Variants in PRR14L observed in about 807,000 individuals in gnomAD.
PRR14L encodes the protein protein PRR14L.
In PRR14L, 80 loss-of-function variants were observed where a neutral mutation model predicts 155.0. The ratio of observed to expected loss-of-function variants is 0.52; its 90% CI spans 0.43 to 0.62. The LOEUF is 0.62. Among genes scored for constraint, PRR14L ranks in the 20% least tolerant of loss-of-function variants. The pLI is 0.00. For synonymous variants in PRR14L, 883 were observed against 916.0 expected (o/e 0.96, Z 0.65); for missense variants, 2,469 against 2,548.0 (o/e 0.97, Z 0.67).
intron 3 of PRR14L, among the ~76,000 whole-genome samples, chr22:31,719,954 T>C (rs1601507953): frequency 2.0e-5 from 3 of 152,094 alleles, no homozygotes; most frequent in African/African-American, 2.4e-5. Flanking sequence ...CAGGCTGACC[T>C]TGAACACCTG....
At chr22:31,723,958 A>T (rs1257706445) in intron 3 of PRR14L, among the ~76,000 whole-genome samples, 1 of 152,230 alleles carries the variant, frequency 6.6e-6, no homozygotes, top group African/African-American at 2.4e-5. Flanking sequence ...GCAAAGCTTC[A>T]TCTGCATTTA....
rs147680924 is a variant in PRR14L, at chr22:31,691,496, T to C, written c.6108-3269A>G. Among the ~76,000 whole-genome samples, 45 of 152,248 alleles carry C rather than the reference T, an allele frequency of 3.0e-4. No homozygotes were observed. In the South Asian group the frequency reaches 8.3e-3, roughly 28 times the overall value. ...TCTACCTGCCAACGAGCTGGGATTA[T>C]AGGAATGAACCACCACAACCAGCCT... On this transcript the variant is annotated intron_variant, in intron 7 of 8. Coordinates refer to ENST00000327423, the MANE Select transcript of PRR14L (RefSeq NM_173566.3).
chr22:31,716,002 T>C lies in PRR14L; in HGVS notation c.1837A>G (p.Ile613Val). Residue 613 changes from isoleucine (I) to valine (V), a missense_variant, in exon 4 of 9, where the codon ATA becomes GTA. By Grantham distance (29) the Ile-to-Val change is conservative. Transcript: ENST00000327423. ...GGAATATCATCATGTGAGGTCTGTA[T>C]AACTTTTTCTGACTCAGGTCTGTAA... is the stretch of plus-strand genomic sequence containing the variant. Reference protein sequence around the residue: ...FDYRPESEKVIQTSHDDIPLL... With the variant: ...FDYRPESEKVVQTSHDDIPLL... 3 of 1,551,012 alleles carry C rather than the reference T, an allele frequency of 1.9e-6. No individual in the cohort carries two copies. The highest frequency in any genetic ancestry group is 2.4e-5 in the East Asian group (1 of 40,920).
intron 1 of PRR14L, among the ~76,000 whole-genome samples, chr22:31,746,242 A>G (rs1052500202): frequency 2.0e-5 from 3 of 152,172 alleles, no homozygotes; most frequent in Non-Finnish European, 4.4e-5. Flanking sequence ...CAGTGAGTAT[A>G]TATTACATAT....
rs148013653 is a variant in PRR14L at position 31,699,680 on chromosome 22, A to G, written c.6107+1976T>C. Among the ~76,000 whole-genome samples the G allele has an allele frequency of 2.6e-5, 4 of 152,332 alleles. No individual in the cohort carries two copies. In the East Asian group the frequency reaches 7.7e-4, roughly 29 times the overall value. ...ATATACCTCACAATTTGTACTCCAT[A>G]ATTTATTTCTCAGTGTTTTATATCA... On this transcript the variant is annotated intron_variant, in intron 7 of 8. Transcript: ENST00000327423.
intron 3 of PRR14L, among the ~76,000 whole-genome samples, chr22:31,722,260 T>C (rs1862610385): frequency 6.6e-6 from 1 of 151,308 alleles, no homozygotes. Flanking sequence ...TAAAACTCCG[T>C]CTCTACTAAA....
At chr22:31,711,853 T>TG (rs1267789036) in intron 4 of PRR14L, among the ~76,000 whole-genome samples, 11 of 142,974 alleles carry the variant, frequency 7.7e-5, no homozygotes, top group African/African-American at 2.6e-4. Flanking sequence ...GAAAAAAGAA[T>TG]GGTGTGAAAT....
At chr22:31,731,026 G>A (rs749048770) in intron 2 of PRR14L, among the ~76,000 whole-genome samples, 1 of 152,126 alleles carries the variant, frequency 6.6e-6, no homozygotes, top group African/African-American at 2.4e-5. Flanking sequence ...GTTGGCTGCT[G>A]TGTCCTTCTG....
At chr22:31,702,709 T>C (rs981901493) in intron 6 of PRR14L, among the ~76,000 whole-genome samples, 2 of 152,010 alleles carry the variant, frequency 1.3e-5, no homozygotes, top group Non-Finnish European at 2.9e-5. Flanking sequence ...AGAGATGGGG[T>C]TTCACCATAC....
chr22:31,713,377 G>C lies in PRR14L; in HGVS notation c.4462C>G (p.Leu1488Val), dbSNP rs1200183680. 1.3e-6 allele frequency: 2 copies of C among 1,552,044 alleles called. No individual in the cohort carries two copies. Among genetic ancestry groups the C allele is most frequent in the Non-Finnish European group, 1.7e-6 (2 of 1,147,072 alleles). The change falls in exon 4 of 9, where the codon CTT (leucine) becomes GTT (valine). Residue 1488 changes from leucine (L) to valine (V), a missense_variant. Physicochemically the swap from Leu to Val is conservative, Grantham distance 32. Transcript: ENST00000327423. ...TGTGCTTTCCGAGGGGCACCAAGAA[G>C]GCAAGGACTTGTGCATGACTCAGTG... ...KDTESCTSPC[L>V]LGAPRKAQDP...
chr22:31,689,059 A>C (rs1271952993), intron 7 of PRR14L, among the ~76,000 whole-genome samples: 1 of 152,210 alleles, frequency 6.6e-6, no homozygotes, highest in Non-Finnish European at 1.5e-5. Flanking sequence ...AGTATCTTCC[A>C]AAGATGGCCA....
intron 3 of PRR14L, among the ~76,000 whole-genome samples, chr22:31,718,707 T>C (rs1436548349): frequency 6.8e-6 from 1 of 147,894 alleles, no homozygotes; most frequent in African/African-American, 2.7e-5. Flanking sequence ...CATGGGTATA[T>C]GTACACATGA....
chr22:31,725,674 A>G, intron 2 of PRR14L, 64 bp from the exon 3 acceptor site: 3 of 959,592 alleles, frequency 3.1e-6, no homozygotes, highest in Non-Finnish European at 4.7e-6. Flanking sequence ...GAATATTATT[A>G]TTATTATTAT....
At chr22:31,712,002 T>C (rs569546324) in intron 4 of PRR14L, 81 bp downstream of exon 4, 834 of 1,323,206 alleles carry the variant, frequency 6.3e-4, no homozygotes, top group Admixed American at 1.0e-3. Context: ...TAGCCTTGCA[T>C]TTCCCGCAGT....
intron 4 of PRR14L, among the ~76,000 whole-genome samples, chr22:31,711,772 T>C (rs969660094): frequency 2.8e-4 from 9 of 31,794 alleles, no homozygotes; most frequent in Non-Finnish European, 3.0e-4. Context: ...CAAGAAGAGT[T>C]AATCAAAAAA....
intron 8 of PRR14L, among the ~76,000 whole-genome samples, chr22:31,686,615 G>T (rs1042324946): frequency 1.2e-4 from 18 of 150,838 alleles, no homozygotes; most frequent in Non-Finnish European, 3.0e-5. Flanking sequence ...TTTTTTTTTT[G>T]TAGAGATGGA....
At chr22:31,709,130 G>C (rs959226634) in intron 4 of PRR14L, among the ~76,000 whole-genome samples, 2 of 151,776 alleles carry the variant, frequency 1.3e-5, no homozygotes, top group African/African-American at 4.8e-5. Flanking sequence ...GCTGACATGG[G>C]ATTTATTTCT....
rs1055708358 is a variant in PRR14L, at chr22:31,716,569, T to A, written c.1270A>T (p.Ile424Phe). 1 of 1,548,442 alleles carries A rather than the reference T, an allele frequency of 6.5e-7. No homozygotes were observed. Among genetic ancestry groups the A allele is most frequent in the East Asian group, 2.4e-5 (1 of 40,914 alleles). Residue 424 changes from isoleucine to phenylalanine, a missense_variant, in exon 4 of 9, where the codon ATT becomes TTT. Coordinates refer to ENST00000327423, the MANE Select transcript of PRR14L (RefSeq NM_173566.3). Reference protein sequence around the residue: ...LFNAREPEKEISGRCSGEKEP... With the variant: ...LFNAREPEKEFSGRCSGEKEP... Reference sequence around the variant, plus strand: ...TTTTCACCAGAACAACGACCACTAATCTCCTTTTCTGGTTCCCTGGCATTA... The same window carrying A: ...TTTTCACCAGAACAACGACCACTAAACTCCTTTTCTGGTTCCCTGGCATTA...
intron 2 of PRR14L, among the ~76,000 whole-genome samples, chr22:31,729,562 AATT>A (rs1378810569): frequency 6.6e-6 from 1 of 152,190 alleles, no homozygotes; most frequent in Non-Finnish European, 1.5e-5. Flanking sequence ...TAAGACAGGA[AATT>A]ATTATTATTT....
Sources: allele counts gnomAD v4.1 joint callset (sites outside exome capture counted in the v4.1 genomes callset), GRCh38; gene constraint gnomAD v4.1.1; transcripts MANE v1.5; gene names NCBI Gene and HGNC (gene_info 2026-07-23, HGNC 2026-07-21).